Variants in VPS13B observed in about 807,000 individuals in gnomAD.
The protein encoded by VPS13B is intermembrane lipid transfer protein VPS13B.
A neutral mutation model predicts 426.4 loss-of-function variants in VPS13B; 285 were observed. That is an observed-to-expected ratio of 0.67 (90% CI 0.61 to 0.74). The LOEUF is 0.74. Ranked by LOEUF, VPS13B falls within the 30% of genes least tolerant of loss-of-function variation. The pLI is 0.00. For missense variants in VPS13B, 4,537 were observed against 4,782.6 expected (o/e 0.95, Z 1.51); for synonymous variants, 1,676 against 1,676.4 (o/e 1.00, Z 0.01).
intron 17 of VPS13B, among the ~76,000 whole-genome samples, chr8:99,227,975 G>T (rs1816103268): frequency 6.6e-6 from 1 of 152,106 alleles, no homozygotes; most frequent in African/African-American, 2.4e-5. Context: ...AATTTTAAGG[G>T]TGTGGAACCA....
At chr8:99,064,591 T>C (rs185186369) in intron 3 of VPS13B, among the ~76,000 whole-genome samples, 3 of 152,276 alleles carry the variant, frequency 2.0e-5, no homozygotes, top group East Asian at 3.9e-4. Context: ...AAAGCCTTCA[T>C]GAAATATGGG....
At chr8:99,571,855 T>C (rs955409467) in intron 31 of VPS13B, among the ~76,000 whole-genome samples, 11 of 152,212 alleles carry the variant, frequency 7.2e-5, no homozygotes, top group Admixed American at 5.9e-4. Flanking sequence ...TTCTTTAGAA[T>C]TGACTTTCTT....
chr8:99,210,208 T>C (rs4735607), intron 17 of VPS13B, among the ~76,000 whole-genome samples: 122,674 of 152,210 alleles, frequency 0.81, 49,929 homozygotes, highest in South Asian at 0.89. Context: ...CTACCTGTAT[T>C]ATGCTCTGGG....
In VPS13B at chr8:99,854,283, A is replaced by T. The variant is rs748803374; in HGVS notation, c.10867+27A>T. The stretch of plus-strand genomic sequence containing the variant: ...TAAGAACACAAGCTGAGGGTCTGTG[A>T]TGAGCTAGAGCCCGGGTAGAAATGA... On this transcript the variant is annotated intron_variant, in intron 56 of 61. Transcript: ENST00000357162. 10 of 1,608,414 alleles carry T rather than the reference A, an allele frequency of 6.2e-6. No homozygotes were observed. In the East Asian group the frequency reaches 1.1e-4, roughly 18 times the overall value.
intron 21 of VPS13B, among the ~76,000 whole-genome samples, chr8:99,408,712 C>T (rs1815462938): frequency 6.6e-6 from 1 of 152,124 alleles, no homozygotes; most frequent in Admixed American, 6.6e-5. Flanking sequence ...ATACTTAAAG[C>T]CATGACATTG....
At chr8:99,575,589 G>A (rs1466441106) in intron 31 of VPS13B, 69 bp from the exon 32 acceptor site, 1 of 1,594,648 alleles carries the variant, frequency 6.3e-7, no homozygotes, top group Non-Finnish European at 8.6e-7. Context: ...ACAAAGACTT[G>A]TACAAATTTA....
intron 17 of VPS13B, among the ~76,000 whole-genome samples, chr8:99,212,545 G>T (rs945647155): frequency 6.6e-6 from 1 of 152,130 alleles, no homozygotes; most frequent in African/African-American, 2.4e-5. Context: ...GTGGAGGAAG[G>T]CAGAGCTGAG....
intron 19 of VPS13B, among the ~76,000 whole-genome samples, chr8:99,365,518 T>TC (rs1554754987): frequency 2.2e-4 from 28 of 130,174 alleles, no homozygotes; most frequent in East Asian, 2.1e-4. Flanking sequence ...TTCTTCTTCT[T>TC]TTTTTTTTTT....
chr8:99,296,952 A>G lies in VPS13B; in HGVS notation c.2824+21698A>G, dbSNP rs577704890. ...GTCTTGAGTATTTTGTCATAGCAGC[A>G]CAAATGAACTAGAAGAGTGATAAAC... On this transcript the variant is annotated intron_variant, in intron 19 of 61. Coordinates refer to ENST00000357162, the MANE Select transcript of VPS13B (RefSeq NM_152564.5). Among the ~76,000 whole-genome samples, 14 of 152,284 alleles carry G rather than the reference A, an allele frequency of 9.2e-5. No individual in the cohort carries two copies. In the South Asian group the frequency reaches 2.9e-3, roughly 32 times the overall value.
At chr8:99,856,861 A>T (rs1563511729) in intron 56 of VPS13B, among the ~76,000 whole-genome samples, 4 of 150,990 alleles carry the variant, frequency 2.6e-5, no homozygotes, top group East Asian at 1.9e-4. Flanking sequence ...AAAAATATTT[A>T]AAAATTAAAC....
At chr8:99,764,920 A>G (rs1055376216) in intron 39 of VPS13B, among the ~76,000 whole-genome samples, 1 of 152,132 alleles carries the variant, frequency 6.6e-6, no homozygotes, top group African/African-American at 2.4e-5. Context: ...TCTCTGTAAA[A>G]CAAATTCTTA....
chr8:99,857,965 T>TC (rs1245100890), intron 56 of VPS13B, among the ~76,000 whole-genome samples: 1 of 152,172 alleles, frequency 6.6e-6, no homozygotes, highest in African/African-American at 2.4e-5. Flanking sequence ...TTTAAGAGCG[T>TC]CCCTCTCTTC....
chr8:99,405,785 T>C lies in VPS13B; in HGVS notation c.3082+14081T>C, dbSNP rs570891742. ...TATACTTCATCCTTTTTTTTCTTTT[T>C]TTTTTTTCCTTGAGATGGAGTCTTG... On this transcript the variant is annotated intron_variant, in intron 21 of 61. Transcript: ENST00000357162. Among the ~76,000 whole-genome samples, 3 of 151,790 alleles carry C rather than the reference T, an allele frequency of 2.0e-5. No homozygotes were observed. In the South Asian group the frequency reaches 6.3e-4, roughly 32 times the overall value.
chr8:99,390,130 C>T (rs992932483), intron 20 of VPS13B, among the ~76,000 whole-genome samples: 7 of 150,366 alleles, frequency 4.7e-5, no homozygotes, highest in African/African-American at 1.7e-4. Context: ...TGGAGTCTCA[C>T]TCTGTTGCCC....
chr8:99,184,336 A>C (rs1231569070), intron 16 of VPS13B, among the ~76,000 whole-genome samples: 3 of 152,182 alleles, frequency 2.0e-5, no homozygotes, highest in African/African-American at 7.2e-5. Context: ...TCCTTCCAAC[A>C]ATGTATGAGG....
At position 99,697,353 on chromosome 8, in the gene VPS13B, C is replaced by T. The variant is rs1832070963; in HGVS notation, c.6047-2172C>T. The T allele has an allele frequency of 1.2e-5, 7 of 582,802 alleles. No homozygotes were observed. In the South Asian group the frequency reaches 1.2e-4, roughly 10 times the overall value. The allele number at this position is 582,802 out of a possible 1,614,324, so 36.1% of individuals were successfully genotyped here. A position where few individuals can be genotyped will look rare whatever the true frequency, so the allele number is the denominator to read the frequency against. Reference sequence around the variant, plus strand: ...CACCCCTCGAAGGCCAGGGGCCTAACCTCAGCCAGAAGTGCCTGAAGCAGT... The same window carrying T: ...CACCCCTCGAAGGCCAGGGGCCTAATCTCAGCCAGAAGTGCCTGAAGCAGT... On this transcript the variant is annotated intron_variant, in intron 35 of 61. Coordinates refer to ENST00000357162, the MANE Select transcript of VPS13B (RefSeq NM_152564.5).
At chr8:99,295,316 T>C (rs1349415017) in intron 19 of VPS13B, among the ~76,000 whole-genome samples, 1 of 152,156 alleles carries the variant, frequency 6.6e-6, no homozygotes, top group African/African-American at 2.4e-5. Context: ...GAAATAAGTA[T>C]CTTTTGAAAG....
chr8:99,442,611 A>T lies in VPS13B; in HGVS notation c.3421A>T (p.Ile1141Phe), dbSNP rs1168459706. 1 of 1,613,944 alleles carries T rather than the reference A, an allele frequency of 6.2e-7. No homozygotes were observed. The highest frequency in any genetic ancestry group is 1.1e-5 in the South Asian group (1 of 91,088). The change falls in exon 23 of 62, where the codon ATC (isoleucine) becomes TTC (phenylalanine). Residue 1141 changes from isoleucine (I) to phenylalanine (F), a missense_variant. Physicochemically the swap from Ile to Phe is conservative, Grantham distance 21. Coordinates refer to ENST00000357162, the MANE Select transcript of VPS13B (RefSeq NM_152564.5). ...ACCTCTGCAGGAGATTCCATTTGTTATCCCACGACCCATCCTTGAAGAAGG... is the reference window on the plus strand; with the variant it reads ...ACCTCTGCAGGAGATTCCATTTGTTTTCCCACGACCCATCCTTGAAGAAGG... ...MEPLQEIPFV[I>F]PRPILEEGDA...
intron 33 of VPS13B, among the ~76,000 whole-genome samples, chr8:99,633,206 G>GT (rs1441724589): frequency 2.6e-5 from 4 of 151,954 alleles, no homozygotes; most frequent in Non-Finnish European, 5.9e-5. Flanking sequence ...ATAAGGATTT[G>GT]TATGTATTTC....
Sources: allele counts gnomAD v4.1 joint callset (sites outside exome capture counted in the v4.1 genomes callset), GRCh38; gene constraint gnomAD v4.1.1; transcripts MANE v1.5; gene names NCBI Gene and HGNC (gene_info 2026-07-23, HGNC 2026-07-21).